KIAA2012: variants seen among roughly 807,000 people sequenced by gnomAD.
The protein encoded by KIAA2012 is uncharacterized protein KIAA2012.
In KIAA2012, 125 loss-of-function variants were observed where a neutral mutation model predicts 150.6. The observed-to-expected ratio is 0.83, with a 90% CI of 0.72 to 0.96. The LOEUF is 0.96. Ranked by LOEUF, KIAA2012 falls within the 40% of genes least tolerant of loss-of-function variation. The probability of loss-of-function intolerance (pLI) is 0.00; values close to 1 mark genes in which losing one functional copy is unlikely to be tolerated. For missense variants in KIAA2012, 1,219 were observed against 1,354.9 expected, an observed-to-expected ratio of 0.90 and a Z score of 1.57; for synonymous variants, 462 against 504.7, an observed-to-expected ratio of 0.92 and a Z score of 1.13.
At chr2:202,180,269 CAAAAAAA>C (rs569117421) in intron 15 of KIAA2012, among the ~76,000 whole-genome samples, 3 of 49,336 alleles carry the variant, frequency 6.1e-5, no homozygotes, top group Non-Finnish European at 1.3e-4. Flanking sequence ...GAAACTCCTC[CAAAAAAA>C]AAAAAAAAAA....
chr2:202,142,555 T>C (rs1201644791), intron 13 of KIAA2012, among the ~76,000 whole-genome samples: 2 of 152,230 alleles, frequency 1.3e-5, no homozygotes, highest in Admixed American at 6.5e-5. Context: ...TCTAATTTTG[T>C]GGCTAATTTG....
chr2:202,154,350 C>A (rs1691482565), intron 13 of KIAA2012, among the ~76,000 whole-genome samples: 1 of 152,230 alleles, frequency 6.6e-6, no homozygotes, highest in Admixed American at 6.5e-5. Flanking sequence ...TGCTTAACCT[C>A]CCAGAGCCTC....
intron 15 of KIAA2012, among the ~76,000 whole-genome samples, chr2:202,182,763 G>T (rs1186622409): frequency 6.6e-6 from 1 of 152,110 alleles, no homozygotes; most frequent in Non-Finnish European, 1.5e-5. Context: ...CTTAGTGGTT[G>T]TACCATTTTA....
rs1689571660 is a variant in KIAA2012, at chr2:202,086,311, C to G, written c.370-4459C>G. Among the ~76,000 whole-genome samples the G allele has an allele frequency of 2.0e-5, 3 of 152,122 alleles. No individual in the cohort carries two copies. In the South Asian group the frequency reaches 6.2e-4, roughly 31 times the overall value. ...GCATCTTGGAAGAGGCTGGTCCTTA[C>G]TGCATTCAGAGGAAAGTCAGTCAAA... On this transcript the variant is annotated intron_variant, in intron 2 of 23. Transcript: ENST00000498697.
chr2:202,133,987 T>C (rs1691011500), intron 12 of KIAA2012, among the ~76,000 whole-genome samples: 1 of 152,202 alleles, frequency 6.6e-6, no homozygotes, highest in Non-Finnish European at 1.5e-5. Context: ...GGAGAATTTT[T>C]TTTTTTTAAT....
At chr2:202,103,162 G>A (rs1435531262) in intron 8 of KIAA2012, 48 bp downstream of exon 8, 4 of 1,529,008 alleles carry the variant, frequency 2.6e-6, no homozygotes, top group African/African-American at 1.4e-5. Flanking sequence ...CTGGGATGGG[G>A]GGTCCTGCCA....
intron 2 of KIAA2012, 110 bp downstream of exon 2, chr2:202,075,285 A>C: frequency 8.2e-7 from 1 of 1,213,066 alleles, no homozygotes; most frequent in Non-Finnish European, 1.1e-6. Flanking sequence ...TGAAACTCTC[A>C]GAACTCTATT....
chr2:202,113,199 T>C (rs1411682052), intron 10 of KIAA2012, 137 bp from the exon 11 acceptor site: 2 of 627,980 alleles, frequency 3.2e-6, no homozygotes, highest in Non-Finnish European at 5.6e-6. Flanking sequence ...GCTCACCCTA[T>C]ACTCTGGTGG....
chr2:202,125,369 C>T (rs1260879352), intron 12 of KIAA2012, 87 bp downstream of exon 12: 8 of 985,064 alleles, frequency 8.1e-6, no homozygotes, highest in Non-Finnish European at 1.2e-5. Context: ...CCTCCAGAAA[C>T]CCACAATTTC....
chr2:202,130,599 A>T (rs1368865650), intron 12 of KIAA2012, among the ~76,000 whole-genome samples: 1 of 152,168 alleles, frequency 6.6e-6, no homozygotes. Context: ...TCAGACATTT[A>T]TGTTGTCTTC....
intron 2 of KIAA2012, among the ~76,000 whole-genome samples, chr2:202,086,216 C>T: frequency 6.7e-6 from 1 of 149,740 alleles, no homozygotes; most frequent in South Asian, 2.1e-4. Context: ...GAAATGCCCA[C>T]TAATGAGAAC....
rs185359121 is a variant in KIAA2012, at chr2:202,199,217, A to G, written c.3407+2198A>G. 1.1e-4 allele frequency among the ~76,000 whole-genome samples: 17 copies of G among 152,302 alleles called. No homozygotes were observed. The East Asian group carries it at 2.9e-3, about 26-fold the overall frequency. On this transcript the variant is annotated intron_variant, in intron 22 of 23. Transcript: ENST00000498697. The stretch of plus-strand genomic sequence containing the variant: ...ATTTGATACTAACTGGCTTTATTTC[A>G]TCTTCACTGTGTGACACTGGCCCAG...
chr2:202,180,911 A>T (rs924209287), intron 15 of KIAA2012, among the ~76,000 whole-genome samples: 11 of 152,282 alleles, frequency 7.2e-5, no homozygotes, highest in Non-Finnish European at 1.5e-4. Flanking sequence ...ATGAATTTTT[A>T]AAATTACATG....
intron 11 of KIAA2012, among the ~76,000 whole-genome samples, chr2:202,120,248 C>A (rs1391456155): frequency 6.6e-6 from 1 of 152,184 alleles, no homozygotes; most frequent in Non-Finnish European, 1.5e-5. Context: ...CTGGTGTGCA[C>A]ACCTGTGGTC....
At chr2:202,188,303 G>C in intron 18 of KIAA2012, 37 bp downstream of exon 18, 1 of 1,512,506 alleles carries the variant, frequency 6.6e-7, no homozygotes, top group Non-Finnish European at 9.0e-7. Context: ...ACCTGGAGAA[G>C]ACTTCTGTTA....
At chr2:202,123,725 G>T (rs918281216) in intron 11 of KIAA2012, among the ~76,000 whole-genome samples, 3 of 152,296 alleles carry the variant, frequency 2.0e-5, no homozygotes, top group Admixed American at 6.5e-5. Context: ...GATGAGTTTG[G>T]TGGCTAGGCA....
Position 202,074,879 on chromosome 2 carries a change from T to G in KIAA2012, c.85-12T>G. On this transcript the variant is annotated splice_polypyrimidine_tract_variant and intron_variant, in intron 1 of 23. Transcript: ENST00000498697. ...ACAGTGGCTCCGTCAAAGTGGCTGC[T>G]TCTCATTGCAGGATTACTTGAACTG... 1 of 1,534,948 alleles carries G rather than the reference T, an allele frequency of 6.5e-7. No homozygotes were observed. Among genetic ancestry groups the G allele is most frequent in the East Asian group, 2.4e-5 (1 of 40,818 alleles).
At chr2:202,103,153 T>C in intron 8 of KIAA2012, 39 bp downstream of exon 8, 1 of 1,538,680 alleles carries the variant, frequency 6.5e-7, no homozygotes, top group Non-Finnish European at 8.8e-7. Context: ...AGGGAGAGCC[T>C]GGGATGGGGG....
intron 2 of KIAA2012, among the ~76,000 whole-genome samples, chr2:202,081,578 G>A (rs2350356): frequency 0.17 from 22,329 of 132,552 alleles, 1,971 homozygotes; most frequent in Middle Eastern, 0.28. Flanking sequence ...ACGGAGTTTC[G>A]CTCTTGTTGC....
Sources: gnomAD v4.1 joint callset for allele counts (sites outside exome capture counted in the v4.1 genomes callset) on GRCh38, gnomAD v4.1.1 for gene constraint, MANE v1.5 for transcripts, NCBI Gene and HGNC (gene_info 2026-07-23, HGNC 2026-07-21) for gene names.